MATN2: variants seen among roughly 807,000 people sequenced by gnomAD.
MATN2 encodes the protein matrilin 2.
In MATN2, 69 loss-of-function variants were observed where a neutral mutation model predicts 103.2. The observed-to-expected ratio is 0.67, with a 90% CI of 0.55 to 0.82. The LOEUF is 0.82. Ranked by LOEUF, MATN2 falls within the 40% of genes least tolerant of loss-of-function variation. The probability of loss-of-function intolerance (pLI) is 0.00; values close to 1 mark genes in which losing one functional copy is unlikely to be tolerated. For synonymous variants in MATN2, 429 were observed against 450.2 expected, an observed-to-expected ratio of 0.95 and a Z score of 0.60; for missense variants, 1,023 against 1,211.5, an observed-to-expected ratio of 0.84 and a Z score of 2.31.
chr8:97,979,855 C>A (rs928280610), intron 6 of MATN2, among the ~76,000 whole-genome samples: 1 of 152,202 alleles, frequency 6.6e-6, no homozygotes, highest in Non-Finnish European at 1.5e-5. Flanking sequence ...TACAACCTTT[C>A]TAAAATGTAT....
At chr8:97,899,430 G>A (rs1818915124) in intron 2 of MATN2, among the ~76,000 whole-genome samples, 2 of 152,034 alleles carry the variant, frequency 1.3e-5, no homozygotes, top group African/African-American at 4.8e-5. Context: ...CCACAAAGTG[G>A]GTGGTTAAAC....
At chr8:97,930,705 C>G (rs1204338917) in intron 2 of MATN2, among the ~76,000 whole-genome samples, 1 of 152,156 alleles carries the variant, frequency 6.6e-6, no homozygotes, top group African/African-American at 2.4e-5. Context: ...TCACTGCAAC[C>G]TGTGCTTGCT....
chr8:97,897,547 T>C (rs573216385), intron 2 of MATN2, among the ~76,000 whole-genome samples: 1 of 152,344 alleles, frequency 6.6e-6, no homozygotes, highest in African/African-American at 2.4e-5. Flanking sequence ...ATCATCAGAA[T>C]AGATTATACA....
intron 4 of MATN2, among the ~76,000 whole-genome samples, chr8:97,947,349 C>T (rs893290737): frequency 3.9e-5 from 6 of 152,018 alleles, no homozygotes; most frequent in East Asian, 3.8e-4. Context: ...AGCAACAGAG[C>T]GAGACTCCGT....
At chr8:97,929,087 A>G (rs1277417647) in intron 2 of MATN2, among the ~76,000 whole-genome samples, 1 of 152,074 alleles carries the variant, frequency 6.6e-6, no homozygotes. Flanking sequence ...CCTCAGGGTT[A>G]TGCATGGGTA....
At position 98,020,964 on chromosome 8, in the gene MATN2, T is replaced by C. The variant is rs987973390; in HGVS notation, c.1820-241T>C. The stretch of plus-strand genomic sequence containing the variant: ...AGCTAAAGCACATCTAATAATAGGA[T>C]AGTAAGTCAAGGACACCTAATCACC... On this transcript the variant is annotated intron_variant, in intron 12 of 18. Coordinates refer to ENST00000254898, the MANE Select transcript of MATN2 (RefSeq NM_002380.5). The C allele has an allele frequency of 7.6e-5, 27 of 355,886 alleles. 1 individual carries two copies. Among genetic ancestry groups the C allele is most frequent in the Non-Finnish European group, 1.0e-5 (2 of 192,374 alleles). 22.0% of individuals were successfully genotyped at this position (355,886 alleles called of 1,614,324 possible).
At chr8:97,874,588 T>C (rs1251864922) in intron 1 of MATN2, among the ~76,000 whole-genome samples, 1 of 151,974 alleles carries the variant, frequency 6.6e-6, no homozygotes, top group African/African-American at 2.4e-5. Context: ...TTTTTAATTT[T>C]AATTTTTTGT....
At chr8:97,913,570 C>A (rs925531703) in intron 2 of MATN2, among the ~76,000 whole-genome samples, 1 of 151,124 alleles carries the variant, frequency 6.6e-6, no homozygotes, top group Non-Finnish European at 1.5e-5. Context: ...CTTCCTCGGC[C>A]TCTCAGAGTG....
intron 2 of MATN2, among the ~76,000 whole-genome samples, chr8:97,920,506 C>A (rs949411641): frequency 2.0e-4 from 30 of 152,300 alleles, no homozygotes; most frequent in African/African-American, 6.0e-4. Context: ...CTGCACCCAG[C>A]CCGATACTAG....
intron 1 of MATN2, among the ~76,000 whole-genome samples, chr8:97,882,784 A>G (rs35456006): frequency 2.0e-3 from 309 of 152,196 alleles, no homozygotes; most frequent in Non-Finnish European, 3.2e-3. Flanking sequence ...TTCCTAGGTC[A>G]CTATTATACT....
intron 6 of MATN2, among the ~76,000 whole-genome samples, chr8:97,990,207 AGC>A (rs1812347756): frequency 6.6e-6 from 1 of 150,940 alleles, no homozygotes. Flanking sequence ...AAAAAAGACA[AGC>A]CACTCAATAA....
chr8:97,933,956 G>A (rs1015094468), intron 3 of MATN2, among the ~76,000 whole-genome samples: 38 of 152,298 alleles, frequency 2.5e-4, no homozygotes, highest in African/African-American at 8.9e-4. Context: ...GCACACTCTT[G>A]CCACTCTCTT....
Position 97,982,078 on chromosome 8 carries a change from G to A in MATN2, c.1081+3070G>A, listed in dbSNP as rs868264858. 6.6e-6 allele frequency among the ~76,000 whole-genome samples: 1 copy of A among 152,236 alleles called. No individual in the cohort carries two copies. The highest frequency in any genetic ancestry group is 6.5e-5 in the Admixed American group (1 of 15,284). On this transcript the variant is annotated intron_variant, in intron 6 of 18. Transcript: ENST00000254898. This position sits in a 1 kb window ranked among gnomAD's most constrained non-coding sequence, Gnocchi z 4.3. ...GCTGGGAGACTGGAGGGTTCGTGCAGGCAGCCTCAGGGCAGTACATCCCTT... is the reference window on the plus strand; with the variant it reads ...GCTGGGAGACTGGAGGGTTCGTGCAAGCAGCCTCAGGGCAGTACATCCCTT...
At chr8:97,975,272 A>G (rs898742989) in intron 5 of MATN2, among the ~76,000 whole-genome samples, 2 of 152,200 alleles carry the variant, frequency 1.3e-5, no homozygotes, top group African/African-American at 4.8e-5. Context: ...TTAAAAGAGC[A>G]TCTTAGTACA....
At chr8:97,983,027 T>C (rs2130322103) in intron 6 of MATN2, among the ~76,000 whole-genome samples, 1 of 152,196 alleles carries the variant, frequency 6.6e-6, no homozygotes, top group East Asian at 1.9e-4. Flanking sequence ...TGAAACGCTG[T>C]ACCCATTGAA....
At position 97,963,493 on chromosome 8, in the gene MATN2, C is replaced by T. The variant is rs1268731220; in HGVS notation, c.958+1963C>T. 2.6e-5 allele frequency among the ~76,000 whole-genome samples: 4 copies of T among 152,134 alleles called. No individual in the cohort carries two copies. The South Asian group carries it at 6.2e-4, about 24-fold the overall frequency. On this transcript the variant is annotated intron_variant, in intron 5 of 18. Transcript: ENST00000254898. ...GTTTCCAAATAATTACCTGCTTGTC[C>T]GTGTGTAGTAGAGAACCTTTGTATC... is the stretch of plus-strand genomic sequence containing the variant.
At chr8:98,025,029 A>C (rs1554616144) in intron 13 of MATN2, 1 of 152,210 alleles carries the variant, frequency 6.6e-6, no homozygotes, top group Non-Finnish European at 1.5e-5. Flanking sequence ...TGTGTACAGA[A>C]AGGAGGAGAA....
At chr8:97,965,308 G>A (rs1386457224) in intron 5 of MATN2, among the ~76,000 whole-genome samples, 1 of 152,126 alleles carries the variant, frequency 6.6e-6, no homozygotes, top group African/African-American at 2.4e-5. Flanking sequence ...TTTATATTTG[G>A]GTGACAAATG....
chr8:98,013,375 C>G (rs1010816342), intron 10 of MATN2, among the ~76,000 whole-genome samples: 1 of 152,178 alleles, frequency 6.6e-6, no homozygotes, highest in Non-Finnish European at 1.5e-5. Flanking sequence ...CCACAAACAT[C>G]CACACATCCC....
Sources: gnomAD v4.1 joint callset for allele counts (sites outside exome capture counted in the v4.1 genomes callset) on GRCh38, gnomAD v4.1.1 for gene constraint, Gnocchi (gnomAD v3.1) non-coding constraint, MANE v1.5 for transcripts, NCBI Gene and HGNC (gene_info 2026-07-23, HGNC 2026-07-21) for gene names.